The following SAMD12 variants were observed in gnomAD, a reference collection of about 807,000 sequenced individuals.
SAMD12 encodes sterile alpha motif domain-containing protein 12.
Under a neutral mutation model 15.0 loss-of-function variants are expected in SAMD12, and 9 were observed. That is an observed-to-expected ratio of 0.60 (90% CI 0.36 to 1.05). The LOEUF (loss-of-function observed/expected upper bound fraction) is 1.05, where lower values mean the gene tolerates loss of function less well. Ranked by LOEUF, SAMD12 falls within the 50% of genes least tolerant of loss-of-function variation. The probability of loss-of-function intolerance (pLI) is 0.01; values close to 1 mark genes in which losing one functional copy is unlikely to be tolerated. For missense variants in SAMD12, 230 were observed against 234.2 expected (o/e 0.98, Z 0.12); for synonymous variants, 86 against 90.1 (o/e 0.96, Z 0.25).
intron 4 of SAMD12, among the ~76,000 whole-genome samples, chr8:118,262,081 T>C (rs902190223): frequency 1.3e-5 from 2 of 152,078 alleles, no homozygotes; most frequent in African/African-American, 4.8e-5. Context: ...AGAGGCAGGA[T>C]TTGAATCCCA....
At chr8:118,187,838 T>C (rs539206054), downstream of SAMD12, among the ~76,000 whole-genome samples, 2 of 152,186 alleles carry the variant, frequency 1.3e-5, no homozygotes, top group Non-Finnish European at 2.9e-5. Flanking sequence ...CAGAGGTTGC[T>C]AGGCTCAGTA....
chr8:118,257,121 T>C (rs553029423), intron 4 of SAMD12, among the ~76,000 whole-genome samples: 2 of 152,252 alleles, frequency 1.3e-5, no homozygotes, highest in South Asian at 2.1e-4. Flanking sequence ...CACTGATGGC[T>C]GCTCTCTGTT....
chr8:118,284,798 C>G (rs1419569628), intron 4 of SAMD12: 3 of 156,778 alleles, frequency 1.9e-5, no homozygotes, highest in African/African-American at 7.2e-5. Flanking sequence ...AAAAATTAGC[C>G]AGGCGTGGTG....
At chr8:118,322,608 C>T (rs1301411457) in intron 4 of SAMD12, among the ~76,000 whole-genome samples, 2 of 152,162 alleles carry the variant, frequency 1.3e-5, no homozygotes, top group Non-Finnish European at 2.9e-5. Flanking sequence ...GTAGGCTGAA[C>T]CAAGTAAAGC....
At chr8:118,321,149 ATATATATATAT>A (rs1816249146) in intron 4 of SAMD12, among the ~76,000 whole-genome samples, 8 of 12,550 alleles carry the variant, frequency 6.4e-4, no homozygotes, top group Admixed American at 1.5e-3. Context: ...TAATAAATAT[ATATATATATAT>A]ATATATATAT....
At chr8:118,219,691 A>C (rs1812043286) in intron 4 of SAMD12, among the ~76,000 whole-genome samples, 1 of 152,188 alleles carries the variant, frequency 6.6e-6, no homozygotes, top group Non-Finnish European at 1.5e-5. Context: ...CCACATGGAG[A>C]CATCCTGACA....
At chr8:118,394,641 T>C (rs1820457977) in intron 3 of SAMD12, 1 of 152,212 alleles carries the variant, frequency 6.6e-6, no homozygotes, top group African/African-American at 2.4e-5. Context: ...ACCATGTCTG[T>C]AGTGCCAATA....
intron 4 of SAMD12, among the ~76,000 whole-genome samples, chr8:118,320,670 G>GA (rs1816189911): frequency 7.4e-6 from 1 of 135,462 alleles, no homozygotes; most frequent in Admixed American, 7.1e-5. Context: ...CCTGTCGTGG[G>GA]GTGGGGGGGG....
chr8:118,358,671 C>T (rs192472594), intron 4 of SAMD12, among the ~76,000 whole-genome samples: 9 of 152,234 alleles, frequency 5.9e-5, no homozygotes, highest in African/African-American at 1.9e-4. Context: ...CCCCTGCACA[C>T]CTTTTCTGTC....
intron 4 of SAMD12, among the ~76,000 whole-genome samples, chr8:118,329,827 T>C (rs66463453): frequency 0.26 from 39,268 of 152,036 alleles, 6,732 homozygotes; most frequent in African/African-American, 0.49. Flanking sequence ...GTCATCATAA[T>C]TGCAGATGAA....
chr8:118,385,719 T>A (rs1287268210), intron 3 of SAMD12, among the ~76,000 whole-genome samples: 3 of 152,220 alleles, frequency 2.0e-5, no homozygotes, highest in Admixed American at 1.3e-4. Flanking sequence ...CACGCAGTAG[T>A]GCTCATAAGT....
intron 2 of SAMD12, among the ~76,000 whole-genome samples, chr8:118,572,701 C>G (rs73319336): frequency 0.011 from 1,629 of 152,286 alleles, 35 homozygotes; most frequent in African/African-American, 0.037. Flanking sequence ...TGGACTTACA[C>G]TTCCACGTGG....
chr8:118,279,929 A>G (rs1282352716), intron 4 of SAMD12, among the ~76,000 whole-genome samples: 5 of 152,206 alleles, frequency 3.3e-5, no homozygotes, highest in Non-Finnish European at 2.9e-5. Flanking sequence ...ACACAAAAAC[A>G]CAGGACGCAC....
At chr8:118,149,530 A>G in the SAMD12 span, among the ~76,000 whole-genome samples, 1 of 152,166 alleles carries the variant, frequency 6.6e-6, no homozygotes, top group East Asian at 1.9e-4. Context: ...CCTTTCTCTC[A>G]GTTTCTTTCT....
rs1818823994 is a variant in SAMD12, at chr8:118,366,886, AAATAAAATAAAATAAAATAAAATAAAAT to A, written c.433+12646_433+12673del. On this transcript the variant is annotated intron_variant, in intron 4 of 4. Coordinates refer to the SAMD12 transcript ENST00000409003. The stretch of plus-strand genomic sequence containing the variant: ...TAAAATAAAATAAAATAAAATAATA[AAATAAAATAAAATAAAATAAAATAAAAT>A]AAAAATGAACAAAATGAAAAGGGGG... Among the ~76,000 whole-genome samples the A allele has an allele frequency of 7.6e-5, 3 of 39,644 alleles. 1 individual carries two copies. Among genetic ancestry groups the A allele is most frequent in the South Asian group, 7.3e-4 (1 of 1,372 alleles). The allele number at this position is 39,644 out of a possible 152,430, so 26.0% of individuals were successfully genotyped here.
chr8:118,476,933 C>T (rs2515005), intron 2 of SAMD12, among the ~76,000 whole-genome samples: 119,203 of 151,782 alleles, frequency 0.79, 46,855 homozygotes, highest in Middle Eastern at 0.83. Flanking sequence ...CACAGTCCTC[C>T]AGAGAGCCTA....
chr8:118,149,442 C>T, the SAMD12 span, among the ~76,000 whole-genome samples: 1 of 152,136 alleles, frequency 6.6e-6, no homozygotes. Flanking sequence ...ATATTCAAAT[C>T]TTTTGCCCAT....
At chr8:118,361,869 T>C (rs776271930) in intron 4 of SAMD12, among the ~76,000 whole-genome samples, 2 of 152,176 alleles carry the variant, frequency 1.3e-5, no homozygotes, top group Non-Finnish European at 2.9e-5. Flanking sequence ...TGAGCAAATA[T>C]GATGAGCCCA....
At chr8:118,215,296 T>C (rs1465755920) in intron 4 of SAMD12, among the ~76,000 whole-genome samples, 10 of 152,208 alleles carry the variant, frequency 6.6e-5, no homozygotes, top group African/African-American at 2.2e-4. Flanking sequence ...TGCATAGTTA[T>C]AGAGATCATA....
Sources: allele counts gnomAD v4.1 joint callset (sites outside exome capture counted in the v4.1 genomes callset), GRCh38; gene constraint gnomAD v4.1.1; transcripts MANE v1.5; gene names NCBI Gene and HGNC (gene_info 2026-07-23, HGNC 2026-07-21).